METTL6: variants seen among roughly 807,000 people sequenced by gnomAD.
METTL6 encodes tRNA N(3)-cytidine methyltransferase METTL6.
In METTL6, 22 loss-of-function variants were observed where a neutral mutation model predicts 26.4. The ratio of observed to expected loss-of-function variants is 0.83; its 90% CI spans 0.59 to 1.19. METTL6 has a LOEUF of 1.19. Ranked by LOEUF, METTL6 falls within the 50% of genes most tolerant of loss-of-function variation. The pLI is 0.00. For missense variants in METTL6, 304 were observed against 324.8 expected, an observed-to-expected ratio of 0.94 and a Z score of 0.49; for synonymous variants, 109 against 116.2, an observed-to-expected ratio of 0.94 and a Z score of 0.40.
chr3:15,409,336 GAAAGGC>G (rs900651281), downstream of METTL6, among the ~76,000 whole-genome samples: 2 of 152,186 alleles, frequency 1.3e-5, no homozygotes, highest in African/African-American at 4.8e-5. Flanking sequence ...GCTTTCTGCA[GAAAGGC>G]AAACAGAAAG....
chr3:15,384,978 G>A (rs973642972), intron 6 of METTL6, among the ~76,000 whole-genome samples: 2 of 152,172 alleles, frequency 1.3e-5, no homozygotes, highest in African/African-American at 4.8e-5. Context: ...AAGAGAAGTA[G>A]CTCAGAGAAG....
In METTL6 at chr3:15,427,508, T is replaced by C. The variant is rs1364834914; in HGVS notation, c.-231A>G. The C allele has an allele frequency of 7.8e-6, 4 of 512,016 alleles. No homozygotes were observed. Among genetic ancestry groups the C allele is most frequent in the African/African-American group, 6.0e-5 (3 of 50,316 alleles). The allele number at this position is 512,016 out of a possible 1,614,324, so 31.7% of individuals were successfully genotyped here. On this transcript the variant is annotated 5_prime_UTR_variant, in exon 1 of 6. Transcript: ENST00000383790. ...GAATTCGGATTATCCGGGAGTTCTT[T>C]TGCCATGGCACCGCCCCCGCCACTT...
chr3:15,419,861 CT>C (rs1324825917), intron 3 of METTL6, among the ~76,000 whole-genome samples: 18,484 of 132,108 alleles, frequency 0.14, 1,392 homozygotes, highest in African/African-American at 0.31. Context: ...AACTGTTTTT[CT>C]TTTTTTTTTT....
Position 15,410,851 on chromosome 3 carries a change from T to C in METTL6, c.*405A>G, listed in dbSNP as rs1465849842. ...ACACACCACTGCACTCCAGCCTGCG[T>C]ACCACAAGATCCTGTCTCAAAAAAT... On this transcript the variant is annotated 3_prime_UTR_variant, in exon 6 of 6. Coordinates refer to ENST00000383790, the MANE Select transcript of METTL6 (RefSeq NM_152396.4). 1.3e-5 allele frequency among the ~76,000 whole-genome samples: 2 copies of C among 152,108 alleles called. No homozygotes were observed. The highest frequency in any genetic ancestry group is 1.3e-4 in the Admixed American group (2 of 15,272).
intron 6 of METTL6, among the ~76,000 whole-genome samples, chr3:15,395,139 T>C (rs1442055181): frequency 2.0e-5 from 3 of 152,214 alleles, no homozygotes; most frequent in Non-Finnish European, 4.4e-5. Flanking sequence ...AGTCTAAGTC[T>C]CTTTGTAGGT....
intron 6 of METTL6, among the ~76,000 whole-genome samples, chr3:15,387,027 A>G (rs1699219140): frequency 6.6e-6 from 1 of 151,994 alleles, no homozygotes; most frequent in Admixed American, 6.6e-5. Flanking sequence ...TGAACTCCTG[A>G]CCTCAGGTGA....
At chr3:15,381,956 T>A (rs887633034) in exon 7 of METTL6, 2 of 152,144 alleles carry the variant, frequency 1.3e-5, no homozygotes, top group Non-Finnish European at 2.9e-5. Flanking sequence ...CAAGTCGAAG[T>A]AGCTTTCTGA....
chr3:15,389,714 T>TA lies in METTL6; in HGVS notation c.*12-5528dup, dbSNP rs543590102. Among the ~76,000 whole-genome samples, 545 of 151,492 alleles carry TA rather than the reference T, an allele frequency of 3.6e-3. 14 individuals are homozygous for TA. Among genetic ancestry groups the TA allele is most frequent in the Admixed American group, 0.032 (482 of 15,236 alleles). On this transcript the variant is annotated intron_variant, in intron 6 of 6. Coordinates refer to the METTL6 transcript ENST00000443029. ...ACAGGCATGCGCCACCACGCCCGGCTAATTTTGTATTTTTAGTAGAGATGG... is the reference window on the plus strand; with the variant it reads ...ACAGGCATGCGCCACCACGCCCGGCTAAATTTTGTATTTTTAGTAGAGATGG...
At chr3:15,425,613 T>A (rs1254952192) in intron 2 of METTL6, among the ~76,000 whole-genome samples, 2 of 152,232 alleles carry the variant, frequency 1.3e-5, no homozygotes, top group African/African-American at 4.8e-5. Context: ...GAACATAGGG[T>A]CTCACTATGC....
At chr3:15,398,116 A>T (rs1303953015) in intron 6 of METTL6, among the ~76,000 whole-genome samples, 2 of 151,634 alleles carry the variant, frequency 1.3e-5, no homozygotes, top group African/African-American at 4.9e-5. Context: ...GCCTTTGATG[A>T]GACTGATTTG....
At position 15,425,016 on chromosome 3, in the gene METTL6, T is replaced by G; in HGVS notation, c.299A>C (p.Glu100Ala). The change falls in exon 3 of 6, where the codon GAA becomes GCA. Residue 100 changes from glutamate (E) to alanine (A), a missense_variant. Physicochemically the swap from Glu to Ala is moderately radical, Grantham distance 107 (BLOSUM62 -1). Coordinates refer to ENST00000383790, the MANE Select transcript of METTL6 (RefSeq NM_152396.4). Reference sequence around the variant, plus strand: ...GGCATAGGCAAAGATATTCGGATCTTCTTCTAAAAGTGGGAATAAACAGTT... The same window carrying G: ...GGCATAGGCAAAGATATTCGGATCTGCTTCTAAAAGTGGGAATAAACAGTT... ...VGNCLFPLLE[E>A]DPNIFAYACD... The G allele has an allele frequency of 6.2e-7, 1 of 1,614,184 alleles. No individual in the cohort carries two copies. The highest frequency in any genetic ancestry group is 8.5e-7 in the Non-Finnish European group (1 of 1,180,026).
chr3:15,399,988 A>G (rs6800062), intron 6 of METTL6, among the ~76,000 whole-genome samples: 10,828 of 152,234 alleles, frequency 0.071, 497 homozygotes, highest in African/African-American at 0.12. Context: ...ATTAGCAAAC[A>G]GCAGATGCAA....
At chr3:15,417,802 T>C (rs994389213) in intron 3 of METTL6, among the ~76,000 whole-genome samples, 26 of 152,140 alleles carry the variant, frequency 1.7e-4, no homozygotes, top group Non-Finnish European at 1.5e-5. Context: ...TGACTACCCT[T>C]GAGACACAGG....
At chr3:15,392,571 C>T (rs573279277) in intron 6 of METTL6, among the ~76,000 whole-genome samples, 28 of 152,264 alleles carry the variant, frequency 1.8e-4, no homozygotes, top group African/African-American at 6.5e-4. Context: ...AGTCCTTGCC[C>T]GTGCCTATGT....
At position 15,410,862 on chromosome 3, in the gene METTL6, C is replaced by A. The variant is rs1699936920; in HGVS notation, c.*394G>T. On this transcript the variant is annotated 3_prime_UTR_variant, in exon 6 of 6. Transcript: ENST00000383790. ...CACTCCAGCCTGCGTACCACAAGAT[C>A]CTGTCTCAAAAAATATATAAAGTAA... Among the ~76,000 whole-genome samples the A allele has an allele frequency of 6.6e-6, 1 of 151,978 alleles. No homozygotes were observed. Among genetic ancestry groups the A allele is most frequent in the Non-Finnish European group, 1.5e-5 (1 of 67,994 alleles).
chr3:15,411,567 T>G (rs1699966050), intron 5 of METTL6, 130 bp from the exon 6 acceptor site: 2 of 904,452 alleles, frequency 2.2e-6, no homozygotes, highest in Non-Finnish European at 3.2e-6. Context: ...TGCTAAAATT[T>G]AAAGGTTTTG....
intron 3 of METTL6, among the ~76,000 whole-genome samples, chr3:15,423,134 G>A (rs938039046): frequency 6.6e-6 from 1 of 152,168 alleles, no homozygotes; most frequent in Non-Finnish European, 1.5e-5. Context: ...GGTGGCTCAC[G>A]CCTGTAATCC....
chr3:15,426,373 G>C lies in METTL6; in HGVS notation c.139C>G (p.Leu47Val), dbSNP rs1227495752. ...LEQEAQKNWD[L>V]FYKRNSTNFF... ...TTAGTGCTATTTCTTTTGTAAAAAA[G>C]ATCCCAATTTTTCTGAGCCTCTTGT... The change falls in exon 2 of 6, where the codon CTT (leucine) becomes GTT (valine). Residue 47 changes from leucine (L) to valine (V), a missense_variant. By Grantham distance (32) the Leu-to-Val change is conservative (BLOSUM62 1). Transcript: ENST00000383790. The C allele has an allele frequency of 6.2e-6, 10 of 1,614,050 alleles. No homozygotes were observed. Among genetic ancestry groups the C allele is most frequent in the Non-Finnish European group, 7.6e-6 (9 of 1,180,038 alleles).
intron 6 of METTL6, among the ~76,000 whole-genome samples, chr3:15,392,569 C>T (rs1699379163): frequency 6.6e-6 from 1 of 152,146 alleles, no homozygotes; most frequent in African/African-American, 2.4e-5. Flanking sequence ...GAAGTCCTTG[C>T]CCGTGCCTAT....
Sources: allele counts gnomAD v4.1 joint callset (sites outside exome capture counted in the v4.1 genomes callset), GRCh38; gene constraint gnomAD v4.1.1; transcripts MANE v1.5; gene names NCBI Gene and HGNC (gene_info 2026-07-23, HGNC 2026-07-21).